Variants in SLC24A2 observed in about 807,000 individuals in gnomAD.
The protein encoded by SLC24A2 is solute carrier family 24 member 2.
In SLC24A2, 36 loss-of-function variants were observed where a neutral mutation model predicts 62.0. The ratio of observed to expected loss-of-function variants is 0.58; its 90% CI spans 0.44 to 0.77. The LOEUF (loss-of-function observed/expected upper bound fraction) is 0.77, where lower values mean the gene tolerates loss of function less well. SLC24A2 is among the 30% of genes least tolerant of loss of function. The pLI is 0.00. For synonymous variants in SLC24A2, 358 were observed against 294.0 expected, an observed-to-expected ratio of 1.22 and a Z score of -2.23; for missense variants, 846 against 817.9, an observed-to-expected ratio of 1.03 and a Z score of -0.42.
the SLC24A2 span, among the ~76,000 whole-genome samples, chr9:19,798,994 T>A: frequency 6.9e-6 from 1 of 145,046 alleles, no homozygotes; most frequent in Non-Finnish European, 1.5e-5. Context: ...TTTCATCTTC[T>A]TGTTGTATTT....
the SLC24A2 span, among the ~76,000 whole-genome samples, chr9:19,838,937 A>T: frequency 1.3e-5 from 2 of 152,208 alleles, no homozygotes; most frequent in East Asian, 3.9e-4. Context: ...AGAAACTACC[A>T]TCAGAGTGAA....
chr9:19,717,965 G>T (rs1820906401), intron 2 of SLC24A2, among the ~76,000 whole-genome samples: 2 of 147,942 alleles, frequency 1.4e-5, no homozygotes, highest in South Asian at 4.3e-4. Context: ...ATGGCTAGAT[G>T]ATTTAAAACT....
the SLC24A2 span, among the ~76,000 whole-genome samples, chr9:19,814,169 C>A: frequency 5.9e-5 from 9 of 152,120 alleles, no homozygotes; most frequent in Admixed American, 2.6e-4. Flanking sequence ...ATTGTCCAGA[C>A]TCTATAATAT....
the SLC24A2 span, among the ~76,000 whole-genome samples, chr9:19,853,480 C>A: frequency 6.6e-6 from 1 of 152,090 alleles, no homozygotes; most frequent in East Asian, 1.9e-4. Flanking sequence ...GAGGTATGTT[C>A]CTTCAATACC....
the SLC24A2 span, among the ~76,000 whole-genome samples, chr9:20,142,199 C>T: frequency 6.6e-6 from 1 of 152,108 alleles, no homozygotes; most frequent in Non-Finnish European, 1.5e-5. Flanking sequence ...AAAGGCTCTT[C>T]GAAGAGTTCT....
chr9:19,745,495 C>T (rs1361860420), intron 2 of SLC24A2, among the ~76,000 whole-genome samples: 1 of 152,110 alleles, frequency 6.6e-6, no homozygotes, highest in Non-Finnish European at 1.5e-5. Flanking sequence ...CATGCCTCTT[C>T]CAAGACCTAA....
chr9:20,065,354 C>T, the SLC24A2 span, among the ~76,000 whole-genome samples: 12 of 152,198 alleles, frequency 7.9e-5, no homozygotes, highest in South Asian at 4.1e-4. Context: ...AGGTTCCCAT[C>T]TCATCCAGAC....
At chr9:19,573,308 G>T in intron 7 of SLC24A2, 43 bp downstream of exon 7, 2 of 1,333,214 alleles carry the variant, frequency 1.5e-6, no homozygotes, top group Non-Finnish European at 2.2e-6. Flanking sequence ...TAGGATATCA[G>T]TTAAGAACAA....
chr9:20,157,495 A>G, the SLC24A2 span, among the ~76,000 whole-genome samples: 4 of 151,726 alleles, frequency 2.6e-5, no homozygotes, highest in Non-Finnish European at 3.0e-5. Context: ...GAAAGATAAA[A>G]GTCAACATTA....
intron 6 of SLC24A2, among the ~76,000 whole-genome samples, chr9:19,576,627 A>G (rs931560181): frequency 1.3e-5 from 2 of 152,212 alleles, no homozygotes; most frequent in African/African-American, 2.4e-5. Context: ...TCCCTGAAAT[A>G]CAGTGATTTT....
intron 2 of SLC24A2, among the ~76,000 whole-genome samples, chr9:19,721,421 C>T (rs1407098154): frequency 6.6e-6 from 1 of 152,078 alleles, no homozygotes; most frequent in Non-Finnish European, 1.5e-5. Context: ...GGAGCCAGTG[C>T]TTTAATTTGA....
At chr9:19,553,605 AAG>A (rs1834945970) in intron 7 of SLC24A2, among the ~76,000 whole-genome samples, 1 of 152,130 alleles carries the variant, frequency 6.6e-6, no homozygotes, top group African/African-American at 2.4e-5. Flanking sequence ...CAGAACTTAA[AAG>A]AGTCAGTGCA....
chr9:20,282,752 A>G, the SLC24A2 span, among the ~76,000 whole-genome samples: 2 of 152,346 alleles, frequency 1.3e-5, no homozygotes, highest in East Asian at 3.9e-4. Context: ...ACGAGTTTAT[A>G]TACTCTTGAA....
chr9:19,982,777 C>A, the SLC24A2 span, among the ~76,000 whole-genome samples: 12 of 152,140 alleles, frequency 7.9e-5, no homozygotes, highest in African/African-American at 2.9e-4. Context: ...AAATCCTGAA[C>A]AAAATACAGA....
At chr9:20,001,048 G>C in the SLC24A2 span, among the ~76,000 whole-genome samples, 19 of 152,206 alleles carry the variant, frequency 1.2e-4, no homozygotes, top group African/African-American at 4.6e-4. Context: ...TGCTCTAATG[G>C]GCCCACCCTC....
chr9:20,270,082 C>T, the SLC24A2 span, among the ~76,000 whole-genome samples: 1 of 152,120 alleles, frequency 6.6e-6, no homozygotes, highest in African/African-American at 2.4e-5. Flanking sequence ...TAATGACCTA[C>T]TCTAGCAGGA....
upstream of SLC24A2, among the ~76,000 whole-genome samples, chr9:19,793,662 T>A (rs548925292): frequency 1.8e-4 from 27 of 152,318 alleles, no homozygotes; most frequent in Admixed American, 1.5e-3. Context: ...TGAGGCTCAA[T>A]GAGGTTAAGT....
chr9:20,228,435 T>C, the SLC24A2 span, among the ~76,000 whole-genome samples: 3 of 151,846 alleles, frequency 2.0e-5, no homozygotes, highest in African/African-American at 4.8e-5. Context: ...TGATGGAGCA[T>C]GAATTCCCAA....
the SLC24A2 span, among the ~76,000 whole-genome samples, chr9:20,071,626 C>T: frequency 2.6e-5 from 4 of 152,060 alleles, no homozygotes; most frequent in Non-Finnish European, 5.9e-5. Flanking sequence ...CATGTTTTTC[C>T]TCTGCTCATA....
Sources: gnomAD v4.1 joint callset for allele counts (sites outside exome capture counted in the v4.1 genomes callset) on GRCh38, gnomAD v4.1.1 for gene constraint, MANE v1.5 for transcripts, NCBI Gene and HGNC (gene_info 2026-07-23, HGNC 2026-07-21) for gene names.